The following IGSF11 variants were observed in gnomAD, a reference collection of about 807,000 sequenced individuals.
The protein encoded by IGSF11 is CXADR like 1.
A neutral mutation model predicts 41.0 loss-of-function variants in IGSF11; 22 were observed. The ratio of observed to expected loss-of-function variants is 0.54; its 90% CI spans 0.38 to 0.77. The LOEUF (loss-of-function observed/expected upper bound fraction) is 0.77. Among genes scored for constraint, IGSF11 ranks in the 30% least tolerant of loss-of-function variants. IGSF11 has a pLI of 0.00. For synonymous variants in IGSF11, 219 were observed against 201.3 expected (o/e 1.09, Z -0.74); for missense variants, 444 against 530.8 (o/e 0.84, Z 1.61).
At chr3:119,073,503 G>C (rs571050425) in intron 1 of IGSF11, among the ~76,000 whole-genome samples, 1 of 152,170 alleles carries the variant, frequency 6.6e-6, no homozygotes, top group Non-Finnish European at 1.5e-5. Flanking sequence ...AGCCCACCGT[G>C]GGGGGGCTCG....
intron 1 of IGSF11, among the ~76,000 whole-genome samples, chr3:118,933,155 G>T (rs1377346338): frequency 6.6e-6 from 1 of 152,210 alleles, no homozygotes; most frequent in East Asian, 1.9e-4. Flanking sequence ...AATATCTGAA[G>T]AAGAAATATT....
At chr3:119,010,445 G>C (rs1356373941) in intron 1 of IGSF11, among the ~76,000 whole-genome samples, 1 of 152,226 alleles carries the variant, frequency 6.6e-6, no homozygotes, top group Admixed American at 6.5e-5. Flanking sequence ...GTATCTCTGA[G>C]GGTGTTTCTG....
intron 1 of IGSF11, among the ~76,000 whole-genome samples, chr3:119,044,013 C>A (rs556580387): frequency 3.9e-5 from 6 of 152,224 alleles, no homozygotes; most frequent in African/African-American, 1.4e-4. Flanking sequence ...TCTATTAACA[C>A]CCCCAAAAGA....
At position 118,902,883 on chromosome 3, in the gene IGSF11, T is replaced by C. The variant is rs1445579761; in HGVS notation, c.933A>G (p.Leu311=). The change falls in exon 7 of 7, where the codon CTA becomes CTG. Residue 311 remains leucine (L), a synonymous_variant. Coordinates refer to ENST00000393775, the MANE Select transcript of IGSF11 (RefSeq NM_001015887.3). ...TEISSSDNNT[L]TSSNAYNSRY... is the part of the protein sequence containing the mutation. ...GACTGTTGTAGGCATTGGAAGAGGT[T>C]AGTGTGTTGTTGTCCGAGGAGGAAA... The C allele has an allele frequency of 6.2e-7, 1 of 1,614,176 alleles. No homozygotes were observed. Among genetic ancestry groups the C allele is most frequent in the Non-Finnish European group, 8.5e-7 (1 of 1,179,996 alleles).
chr3:118,935,996 A>G (rs529538138), intron 1 of IGSF11, among the ~76,000 whole-genome samples: 22 of 152,264 alleles, frequency 1.4e-4, no homozygotes, highest in Non-Finnish European at 2.8e-4. Context: ...GTTCCTCTTT[A>G]GTATATTGAT....
intron 1 of IGSF11, among the ~76,000 whole-genome samples, chr3:119,074,309 C>A (rs1186065055): frequency 1.3e-5 from 2 of 152,038 alleles, no homozygotes; most frequent in African/African-American, 4.8e-5. Flanking sequence ...ATAACACCAA[C>A]TACATTCATG....
chr3:119,090,888 G>A (rs1227691611), intron 1 of IGSF11, among the ~76,000 whole-genome samples: 1 of 152,116 alleles, frequency 6.6e-6, no homozygotes, highest in Non-Finnish European at 1.5e-5. Flanking sequence ...TTGACAAGCG[G>A]GACCTAATTA....
chr3:119,084,065 G>A (rs752360908), intron 1 of IGSF11, among the ~76,000 whole-genome samples: 4 of 152,118 alleles, frequency 2.6e-5, no homozygotes, highest in Non-Finnish European at 4.4e-5. Flanking sequence ...GTGTGTGTCT[G>A]TGTCTTAGTT....
At chr3:119,084,043 GC>G (rs1485580256) in intron 1 of IGSF11, among the ~76,000 whole-genome samples, 1 of 151,980 alleles carries the variant, frequency 6.6e-6, no homozygotes, top group Non-Finnish European at 1.5e-5. Flanking sequence ...CCCTGTGTAG[GC>G]CTAGGCTAAT....
At chr3:118,962,597 G>A (rs921859392) in intron 1 of IGSF11, among the ~76,000 whole-genome samples, 2 of 152,148 alleles carry the variant, frequency 1.3e-5, no homozygotes, top group African/African-American at 4.8e-5. Flanking sequence ...TGATGGTTCT[G>A]AGGGACAGAC....
intron 4 of IGSF11, among the ~76,000 whole-genome samples, chr3:118,912,582 G>A (rs1437988022): frequency 6.6e-6 from 1 of 152,064 alleles, no homozygotes; most frequent in Non-Finnish European, 1.5e-5. Context: ...CTCTAGAGCT[G>A]TTGGCAGAAA....
intron 1 of IGSF11, among the ~76,000 whole-genome samples, chr3:118,991,641 T>C (rs1167645468): frequency 6.6e-6 from 1 of 152,244 alleles, no homozygotes; most frequent in African/African-American, 2.4e-5. Flanking sequence ...AAAAACATTA[T>C]TAGCCTCTGC....
intron 1 of IGSF11, among the ~76,000 whole-genome samples, chr3:118,995,291 G>C (rs531438035): frequency 6.6e-6 from 1 of 152,060 alleles, no homozygotes; most frequent in Non-Finnish European, 1.5e-5. Context: ...AACCCGAGAC[G>C]AAAGAAAGCA....
intron 1 of IGSF11, among the ~76,000 whole-genome samples, chr3:118,990,515 A>G (rs184581153): frequency 1.1e-4 from 16 of 152,334 alleles, no homozygotes; most frequent in Admixed American, 3.9e-4. Flanking sequence ...GAGATAGGAG[A>G]TAGACCTGGG....
intron 1 of IGSF11, among the ~76,000 whole-genome samples, chr3:119,001,215 C>T (rs549760386): frequency 4.8e-4 from 72 of 149,966 alleles, no homozygotes; most frequent in African/African-American, 1.4e-3. Flanking sequence ...AATCCCTTTC[C>T]TCTCCATATT....
At chr3:118,991,464 T>C (rs2107652846) in intron 1 of IGSF11, among the ~76,000 whole-genome samples, 1 of 152,356 alleles carries the variant, frequency 6.6e-6, no homozygotes, top group African/African-American at 2.4e-5. Context: ...ATAAGCCTTT[T>C]TGTACTCCAC....
intron 1 of IGSF11, among the ~76,000 whole-genome samples, chr3:119,043,824 C>A (rs1325608636): frequency 1.3e-5 from 2 of 152,130 alleles, no homozygotes; most frequent in Non-Finnish European, 1.5e-5. Context: ...TCACTGCAGT[C>A]CAGCTTTCAA....
chr3:119,019,334 A>T (rs1366461243), intron 1 of IGSF11, among the ~76,000 whole-genome samples: 1 of 150,016 alleles, frequency 6.7e-6, no homozygotes, highest in African/African-American at 2.5e-5. Context: ...ATTTTCTCTC[A>T]AACTGATCTT....
intron 1 of IGSF11, among the ~76,000 whole-genome samples, chr3:119,111,129 T>C (rs987415042): frequency 8.5e-5 from 13 of 152,298 alleles, no homozygotes; most frequent in Non-Finnish European, 1.6e-4. Context: ...TGTATCTGAA[T>C]GTTGGCCTGC....
Sources: gnomAD v4.1 joint callset for allele counts (sites outside exome capture counted in the v4.1 genomes callset) on GRCh38, gnomAD v4.1.1 for gene constraint, MANE v1.5 for transcripts, NCBI Gene and HGNC (gene_info 2026-07-23, HGNC 2026-07-21) for gene names.